The following ZNF503 variants were observed in gnomAD, a reference collection of about 807,000 sequenced individuals.
ZNF503 encodes the protein zinc finger protein 503.
A neutral mutation model predicts 34.4 loss-of-function variants in ZNF503; 15 were observed. The ratio of observed to expected loss-of-function variants is 0.44; its 90% CI spans 0.29 to 0.67. ZNF503 has a LOEUF of 0.67. Among genes scored for constraint, ZNF503 ranks in the 30% least tolerant of loss-of-function variants. The pLI is 0.13. For synonymous variants in ZNF503, 580 were observed against 456.8 expected (o/e 1.27, Z -3.44); for missense variants, 1,007 against 926.8 (o/e 1.09, Z -1.12).
rs200846000 is a variant in ZNF503, at chr10:75,398,835, C to T, written c.1855G>A (p.Val619Met). ...PLPTPGAPVP[V>M]PAATGPYYSP... The stretch of plus-strand genomic sequence containing the variant: ...TAGTACGGTCCGGTGGCGGCGGGCA[C>T]CGGCACGGGGGCGCCAGGCGTGGGA... The change falls in exon 2 of 2, where the codon GTG (valine) becomes ATG (methionine). Residue 619 changes from valine to methionine, a missense_variant. Coordinates refer to ENST00000372524, the MANE Select transcript of ZNF503 (RefSeq NM_032772.6). The T allele has an allele frequency of 1.0e-3, 1,506 of 1,500,624 alleles. No individual in the cohort carries two copies. Among genetic ancestry groups the T allele is most frequent in the Non-Finnish European group, 1.2e-3 (1,404 of 1,131,090 alleles). The allele number at this position is 1,500,624 out of a possible 1,614,324, so 93.0% of individuals were successfully genotyped here.
chr10:75,295,195 G>A, the ZNF503 span, among the ~76,000 whole-genome samples: 1 of 151,722 alleles, frequency 6.6e-6, no homozygotes, highest in African/African-American at 2.4e-5. The surrounding 1 kb of genome is among the most constrained non-coding windows in gnomAD (Gnocchi z 4.0). Context: ...GCGGCACGGC[G>A]CGGGGCGGGC....
At chr10:75,396,894 GC>G (rs1843707386), downstream of ZNF503, among the ~76,000 whole-genome samples, 1 of 152,172 alleles carries the variant, frequency 6.6e-6, no homozygotes, top group Non-Finnish European at 1.5e-5. The surrounding 1 kb of genome is among the most constrained non-coding windows in gnomAD (Gnocchi z 4.4). Flanking sequence ...GGCGCTTCGG[GC>G]AGCTCTGTCC....
At chr10:75,341,729 T>C in the ZNF503 span, among the ~76,000 whole-genome samples, 1 of 152,228 alleles carries the variant, frequency 6.6e-6, no homozygotes, top group East Asian at 1.9e-4. Flanking sequence ...TAGAAATTAA[T>C]CTCAGTAACG....
chr10:75,331,280 T>G, the ZNF503 span, among the ~76,000 whole-genome samples: 1 of 152,206 alleles, frequency 6.6e-6, no homozygotes, highest in Non-Finnish European at 1.5e-5. Context: ...TTCTGCAGCT[T>G]TTGGATGAAA....
At chr10:75,371,925 T>G in the ZNF503 span, among the ~76,000 whole-genome samples, 1 of 151,848 alleles carries the variant, frequency 6.6e-6, no homozygotes, top group African/African-American at 2.4e-5. Context: ...AAAAAGAGGG[T>G]TTTTTGTTAT....
At chr10:75,340,560 A>G in the ZNF503 span, among the ~76,000 whole-genome samples, 1 of 152,160 alleles carries the variant, frequency 6.6e-6, no homozygotes, top group African/African-American at 2.4e-5. Context: ...ACTTCATAGA[A>G]TACCATGCAT....
At chr10:75,362,176 T>C in the ZNF503 span, among the ~76,000 whole-genome samples, 7 of 152,294 alleles carry the variant, frequency 4.6e-5, no homozygotes, top group Non-Finnish European at 7.4e-5. Flanking sequence ...TCCATTAACA[T>C]TTTGCACCTT....
chr10:75,400,883 G>A (rs1843792621), intron 1 of ZNF503: 6 of 684,900 alleles, frequency 8.8e-6, no homozygotes, highest in Admixed American at 2.9e-5. Flanking sequence ...ATCGAAAGGA[G>A]AAACAAGTAT....
At chr10:75,360,993 A>G in the ZNF503 span, 1 of 152,232 alleles carries the variant, frequency 6.6e-6, no homozygotes, top group Non-Finnish European at 1.5e-5. Context: ...CAAAAAACCA[A>G]GAGCTGCTCA....
Position 75,401,086 on chromosome 10 carries a change from C to A in ZNF503, c.315+19G>T. 2 of 1,613,716 alleles carry A rather than the reference C, an allele frequency of 1.2e-6. No individual in the cohort carries two copies. The highest frequency in any genetic ancestry group is 1.7e-6 in the Non-Finnish European group (2 of 1,179,966). On this transcript the variant is annotated intron_variant, in intron 1 of 1. Transcript: ENST00000372524. ...GCCAGGGTAGTGGTCCCAGTGCGAT[C>A]CAGAGAGAGGGTCCTTACCTCGATG...
the ZNF503 span, among the ~76,000 whole-genome samples, chr10:75,365,716 A>G: frequency 2.0e-5 from 3 of 152,180 alleles, no homozygotes; most frequent in Non-Finnish European, 2.9e-5. Flanking sequence ...GGGGTTGGTA[A>G]TATTACTTTG....
chr10:75,371,930 T>C, the ZNF503 span, among the ~76,000 whole-genome samples: 1 of 152,200 alleles, frequency 6.6e-6, no homozygotes, highest in Admixed American at 6.5e-5. Context: ...GAGGGTTTTT[T>C]GTTATTGTTT....
the ZNF503 span, among the ~76,000 whole-genome samples, chr10:75,311,155 A>G: frequency 6.6e-6 from 1 of 152,196 alleles, no homozygotes; most frequent in Non-Finnish European, 1.5e-5. Flanking sequence ...AAAGCTGAAG[A>G]ACTTGGACTC....
At chr10:75,313,581 C>G in the ZNF503 span, among the ~76,000 whole-genome samples, 1 of 152,210 alleles carries the variant, frequency 6.6e-6, no homozygotes, top group Non-Finnish European at 1.5e-5. Flanking sequence ...TCTGGGGACT[C>G]CACTAAACAC....
chr10:75,336,309 T>C, the ZNF503 span, among the ~76,000 whole-genome samples: 1 of 150,492 alleles, frequency 6.6e-6, no homozygotes, highest in Non-Finnish European at 1.5e-5. Context: ...CATGTTCCAA[T>C]GGAGGACTTG....
At chr10:75,380,118 C>T in the ZNF503 span, among the ~76,000 whole-genome samples, 1 of 152,202 alleles carries the variant, frequency 6.6e-6, no homozygotes, top group Admixed American at 6.5e-5. Flanking sequence ...ACTCTCCCTT[C>T]AGTGCATGAG....
the ZNF503 span, among the ~76,000 whole-genome samples, chr10:75,391,394 A>T: frequency 6.6e-6 from 1 of 152,126 alleles, no homozygotes; most frequent in African/African-American, 2.4e-5. Flanking sequence ...GGACTCAGAG[A>T]TGACGTAAGG....
the ZNF503 span, among the ~76,000 whole-genome samples, chr10:75,351,894 T>G: frequency 2.0e-5 from 3 of 152,110 alleles, no homozygotes; most frequent in Admixed American, 6.5e-5. Flanking sequence ...TCTTCCCCAT[T>G]TTACAAATGG....
the ZNF503 span, among the ~76,000 whole-genome samples, chr10:75,331,998 T>C: frequency 2.6e-5 from 4 of 151,968 alleles, no homozygotes; most frequent in Non-Finnish European, 4.4e-5. Flanking sequence ...TGCTTCTGGT[T>C]TCTGTTTTTC....
Sources: gnomAD v4.1 joint callset for allele counts (sites outside exome capture counted in the v4.1 genomes callset) on GRCh38, gnomAD v4.1.1 for gene constraint, Gnocchi (gnomAD v3.1) non-coding constraint, MANE v1.5 for transcripts, NCBI Gene and HGNC (gene_info 2026-07-23, HGNC 2026-07-21) for gene names.